The following SPATA16 variants were observed in gnomAD, a reference collection of about 807,000 sequenced individuals.
SPATA16 encodes the protein spermatogenesis-associated protein 16.
In SPATA16, 36 loss-of-function variants were observed where a neutral mutation model predicts 63.3. The observed-to-expected ratio is 0.57, with a 90% CI of 0.44 to 0.75. SPATA16 has a LOEUF of 0.75. SPATA16 is among the 30% of genes least tolerant of loss of function. The pLI is 0.00. For missense variants in SPATA16, 646 were observed against 679.3 expected, an observed-to-expected ratio of 0.95 and a Z score of 0.54; for synonymous variants, 203 against 216.7, an observed-to-expected ratio of 0.94 and a Z score of 0.56.
Position 173,024,654 on chromosome 3 carries a change from A to G in SPATA16, c.759-5079T>C, listed in dbSNP as rs530462829. ...AATAAAAAAATTCATTTAAAAAATA[A>G]TGCTATGATTTTTATGAAATCGTAT... On this transcript the variant is annotated intron_variant, in intron 3 of 10. Coordinates refer to ENST00000351008, the MANE Select transcript of SPATA16 (RefSeq NM_031955.6). Among the ~76,000 whole-genome samples, 14 of 151,014 alleles carry G rather than the reference A, an allele frequency of 9.3e-5. No individual in the cohort carries two copies. The East Asian group carries it at 2.8e-3, about 30-fold the overall frequency.
At chr3:172,894,974 G>T (rs1577080321) in intron 10 of SPATA16, among the ~76,000 whole-genome samples, 1 of 151,766 alleles carries the variant, frequency 6.6e-6, no homozygotes, top group South Asian at 2.1e-4. Context: ...GCCTGAACAG[G>T]CTAAGGTACC....
At chr3:173,137,097 G>C (rs1220491624) in intron 1 of SPATA16, among the ~76,000 whole-genome samples, 1 of 152,170 alleles carries the variant, frequency 6.6e-6, no homozygotes, top group African/African-American at 2.4e-5. Context: ...GATAAGTTCT[G>C]CTATCAAAAT....
At chr3:172,923,626 TA>T (rs1732662943) in intron 8 of SPATA16, among the ~76,000 whole-genome samples, 2 of 152,226 alleles carry the variant, frequency 1.3e-5, no homozygotes, top group African/African-American at 2.4e-5. Flanking sequence ...TTAAATTTTG[TA>T]AAATAGCAGT....
At chr3:172,925,921 G>C (rs1205503332) in intron 6 of SPATA16, among the ~76,000 whole-genome samples, 1 of 152,072 alleles carries the variant, frequency 6.6e-6, no homozygotes, top group Non-Finnish European at 1.5e-5. Flanking sequence ...TACCTCCTGG[G>C]TTCAAGCGAT....
intron 2 of SPATA16, among the ~76,000 whole-genome samples, chr3:173,066,182 G>A (rs2108303791): frequency 6.6e-6 from 1 of 152,274 alleles, no homozygotes; most frequent in Non-Finnish European, 1.5e-5. Flanking sequence ...CAGGCATTTG[G>A]TGCTGGATAG....
At chr3:172,906,908 A>C (rs1007960145) in intron 10 of SPATA16, among the ~76,000 whole-genome samples, 1 of 151,722 alleles carries the variant, frequency 6.6e-6, no homozygotes, top group Non-Finnish European at 1.5e-5. Context: ...CGCCCGGCTA[A>C]TTTTTTTTGT....
At chr3:173,099,118 G>C (rs1413144866) in intron 2 of SPATA16, among the ~76,000 whole-genome samples, 1 of 152,114 alleles carries the variant, frequency 6.6e-6, no homozygotes, top group African/African-American at 2.4e-5. Context: ...ACATCAGAAG[G>C]TCAATAGTAG....
At chr3:173,006,922 C>A (rs1415790062) in intron 4 of SPATA16, among the ~76,000 whole-genome samples, 2 of 152,026 alleles carry the variant, frequency 1.3e-5, no homozygotes, top group Admixed American at 1.3e-4. Context: ...ATAGCACAGA[C>A]CCTAAATGTT....
At chr3:172,960,937 TTCTC>T (rs1228737525) in intron 5 of SPATA16, among the ~76,000 whole-genome samples, 1 of 131,916 alleles carries the variant, frequency 7.6e-6, no homozygotes, top group Non-Finnish European at 1.6e-5. Context: ...TTCCTTCTCT[TTCTC>T]TCTTCCCCCC....
At chr3:173,125,156 TC>T in intron 1 of SPATA16, among the ~76,000 whole-genome samples, 1 of 152,060 alleles carries the variant, frequency 6.6e-6, no homozygotes, top group Non-Finnish European at 1.5e-5. Flanking sequence ...GCCAACCACA[TC>T]CCCCCAGTTG....
At chr3:172,960,583 G>T (rs575042715) in intron 5 of SPATA16, among the ~76,000 whole-genome samples, 8 of 152,212 alleles carry the variant, frequency 5.3e-5, no homozygotes, top group African/African-American at 1.9e-4. Context: ...TAAGTAAAAA[G>T]AACCCCTTGC....
intron 10 of SPATA16, among the ~76,000 whole-genome samples, chr3:172,895,329 T>A (rs1731985387): frequency 6.6e-6 from 1 of 152,204 alleles, no homozygotes; most frequent in Non-Finnish European, 1.5e-5. Flanking sequence ...CTAATAAGTT[T>A]TTTTTTCTTG....
At chr3:172,944,547 C>G (rs540756819) in intron 6 of SPATA16, among the ~76,000 whole-genome samples, 1 of 152,252 alleles carries the variant, frequency 6.6e-6, no homozygotes, top group African/African-American at 2.4e-5. Context: ...TACCCATGTT[C>G]ATAGCAGCAT....
At chr3:172,894,813 A>C (rs1731975716) in intron 10 of SPATA16, among the ~76,000 whole-genome samples, 1 of 152,178 alleles carries the variant, frequency 6.6e-6, no homozygotes, top group South Asian at 2.1e-4. Flanking sequence ...CCATGTGAAG[A>C]CACAGCTAGA....
chr3:172,930,364 G>A lies in SPATA16; in HGVS notation c.1082-4872C>T, dbSNP rs538496942. ...ATCAACCTTTATAACCAGCTCTGCT[G>A]ATTTCACTGCCTTTGCTTATCTGGC... On this transcript the variant is annotated intron_variant, in intron 6 of 10. Transcript: ENST00000351008. Among the ~76,000 whole-genome samples, 95 of 152,148 alleles carry A rather than the reference G, an allele frequency of 6.2e-4. No homozygotes were observed. The South Asian group carries it at 0.018, about 30-fold the overall frequency.
At chr3:172,957,732 A>G (rs1236697482) in intron 5 of SPATA16, among the ~76,000 whole-genome samples, 1 of 152,228 alleles carries the variant, frequency 6.6e-6, no homozygotes, top group African/African-American at 2.4e-5. Flanking sequence ...AATAATAGAT[A>G]TAAGCTTTTC....
At chr3:172,927,897 GCTT>G (rs1181007714) in intron 6 of SPATA16, among the ~76,000 whole-genome samples, 13 of 152,038 alleles carry the variant, frequency 8.6e-5, no homozygotes, top group East Asian at 1.9e-4. Flanking sequence ...AGTATTAGAT[GCTT>G]CTTCTTCTTT....
chr3:173,028,013 C>CCTTCCTTCCTTCCTT, intron 3 of SPATA16, among the ~76,000 whole-genome samples: 1 of 35,038 alleles, frequency 2.9e-5, no homozygotes, highest in Admixed American at 3.7e-4. Flanking sequence ...CTCCCTCCCT[C>CCTTCCTTCCTTCCTT]CCTTCCTTCT....
intron 2 of SPATA16, among the ~76,000 whole-genome samples, chr3:173,106,349 C>T (rs1298073485): frequency 6.6e-6 from 1 of 152,096 alleles, no homozygotes. Context: ...ACCTTTACCC[C>T]TCTAGCTGTT....
Sources: allele counts gnomAD v4.1 joint callset (sites outside exome capture counted in the v4.1 genomes callset), GRCh38; gene constraint gnomAD v4.1.1; transcripts MANE v1.5; gene names NCBI Gene and HGNC (gene_info 2026-07-23, HGNC 2026-07-21).